PTPRD: variants seen among roughly 807,000 people sequenced by gnomAD.
PTPRD encodes receptor-type tyrosine-protein phosphatase delta.
In PTPRD, 34 loss-of-function variants were observed where a neutral mutation model predicts 214.5. That is an observed-to-expected ratio of 0.16 (90% confidence interval 0.12 to 0.21). The LOEUF (loss-of-function observed/expected upper bound fraction) is 0.21. Among genes scored for constraint, PTPRD ranks in the 10% least tolerant of loss-of-function variants. PTPRD has a pLI of 1.00. For missense variants in PTPRD, 2,545 were observed against 2,398.7 expected (o/e 1.06, Z -1.27); for synonymous variants, 1,128 against 845.7 (o/e 1.33, Z -5.79).
intron 3 of PTPRD, among the ~76,000 whole-genome samples, chr9:10,260,115 T>C (rs993386082): frequency 6.6e-6 from 1 of 152,230 alleles, no homozygotes; most frequent in African/African-American, 2.4e-5. Flanking sequence ...AAAAAAATTG[T>C]TTATCTGAAA....
At chr9:9,007,531 T>C (rs1238676910) in intron 11 of PTPRD, among the ~76,000 whole-genome samples, 1 of 151,982 alleles carries the variant, frequency 6.6e-6, no homozygotes, top group Non-Finnish European at 1.5e-5. Flanking sequence ...ATAAACCAAA[T>C]ACAAACCTAT....
intron 11 of PTPRD, among the ~76,000 whole-genome samples, chr9:8,974,711 T>C (rs1056493005): frequency 1.3e-5 from 2 of 152,014 alleles, no homozygotes; most frequent in Non-Finnish European, 2.9e-5. Context: ...AGAATCACAT[T>C]AAAAGAATAA....
intron 8 of PTPRD, among the ~76,000 whole-genome samples, chr9:9,436,946 A>G (rs2085512634): frequency 6.6e-6 from 1 of 152,090 alleles, no homozygotes; most frequent in Non-Finnish European, 1.5e-5. Flanking sequence ...TGAATAAAGA[A>G]TGTCAGGAAA....
intron 7 of PTPRD, among the ~76,000 whole-genome samples, chr9:9,732,786 T>A (rs932241867): frequency 6.6e-6 from 1 of 152,010 alleles, no homozygotes; most frequent in Admixed American, 6.6e-5. Flanking sequence ...TGAATACTTT[T>A]AAAAATCATT....
At chr9:9,887,710 T>C (rs900657573) in intron 5 of PTPRD, among the ~76,000 whole-genome samples, 1 of 152,082 alleles carries the variant, frequency 6.6e-6, no homozygotes, top group Admixed American at 6.6e-5. Context: ...TAAAAGTATT[T>C]AATGGGAGGT....
At chr9:8,902,815 A>G (rs2098680883) in intron 11 of PTPRD, among the ~76,000 whole-genome samples, 1 of 152,218 alleles carries the variant, frequency 6.6e-6, no homozygotes, top group Non-Finnish European at 1.5e-5. Flanking sequence ...TCAAAATGCC[A>G]TTTGAAATCT....
intron 11 of PTPRD, among the ~76,000 whole-genome samples, chr9:8,763,488 G>C (rs922667243): frequency 2.7e-4 from 41 of 152,072 alleles, no homozygotes; most frequent in African/African-American, 9.6e-4. Context: ...ACTCCAGCCT[G>C]GGTGACAGAG....
chr9:8,713,316 G>C, intron 12 of PTPRD: 1 of 784,954 alleles, frequency 1.3e-6, no homozygotes, highest in Non-Finnish European at 2.2e-6. Flanking sequence ...ACGCCATGAA[G>C]GCCTCGGGCA....
In PTPRD at chr9:9,298,879, C is replaced by T. The variant is rs1954148291; in HGVS notation, c.-203+98570G>A. ...TTATACCACAAGGCAGTTATTAATC[C>T]TGTCAGCAATACCAGCTTAAAAATG... On this transcript the variant is annotated intron_variant, in intron 9 of 45. Coordinates refer to ENST00000381196, the MANE Select transcript of PTPRD (RefSeq NM_002839.4). Among the ~76,000 whole-genome samples, 3 of 151,644 alleles carry T rather than the reference C, an allele frequency of 2.0e-5. No individual in the cohort carries two copies. The South Asian group carries it at 6.2e-4, about 31-fold the overall frequency.
intron 2 of PTPRD, among the ~76,000 whole-genome samples, chr9:10,534,485 A>G (rs1343527720): frequency 6.6e-6 from 1 of 152,088 alleles, no homozygotes; most frequent in Non-Finnish European, 1.5e-5. Flanking sequence ...TGAAGGCAAA[A>G]GCAATGGTTT....
At chr9:9,699,986 G>A (rs185116591) in intron 7 of PTPRD, among the ~76,000 whole-genome samples, 264 of 152,196 alleles carry the variant, frequency 1.7e-3, no homozygotes, top group African/African-American at 6.1e-3. Flanking sequence ...GAAAGTGTTG[G>A]TACGCTGATG....
intron 11 of PTPRD, among the ~76,000 whole-genome samples, chr9:8,813,565 G>T (rs1418178840): frequency 1.3e-5 from 2 of 152,050 alleles, no homozygotes; most frequent in African/African-American, 4.8e-5. Context: ...TAAAGACAAG[G>T]TCTTGCTTTG....
intron 39 of PTPRD, among the ~76,000 whole-genome samples, chr9:8,373,096 T>C (rs1305570041): frequency 6.6e-6 from 1 of 152,078 alleles, no homozygotes; most frequent in Non-Finnish European, 1.5e-5. Flanking sequence ...CTTTGTAACA[T>C]GGCTATTGTG....
At chr9:8,963,406 A>G (rs968610294) in intron 11 of PTPRD, among the ~76,000 whole-genome samples, 1 of 152,152 alleles carries the variant, frequency 6.6e-6, no homozygotes, top group Non-Finnish European at 1.5e-5. Flanking sequence ...TTACATTTAT[A>G]CATGTTTTAT....
chr9:8,840,279 G>T (rs1005232831), intron 11 of PTPRD, among the ~76,000 whole-genome samples: 3 of 152,120 alleles, frequency 2.0e-5, no homozygotes, highest in Non-Finnish European at 2.9e-5. Flanking sequence ...CATGAGGGCA[G>T]GTTTTTCCCA....
intron 9 of PTPRD, among the ~76,000 whole-genome samples, chr9:9,335,862 G>C (rs967659237): frequency 6.6e-6 from 1 of 151,948 alleles, no homozygotes; most frequent in Non-Finnish European, 1.5e-5. Context: ...ACACAACTCA[G>C]CATCTAATGA....
At chr9:10,573,734 G>A (rs1256899035) in intron 2 of PTPRD, among the ~76,000 whole-genome samples, 14 of 151,932 alleles carry the variant, frequency 9.2e-5, no homozygotes, top group African/African-American at 3.1e-4. Context: ...AGTATTTTCT[G>A]GAAATAAGAA....
chr9:10,491,235 T>C (rs1208382985), intron 2 of PTPRD, among the ~76,000 whole-genome samples: 2 of 152,146 alleles, frequency 1.3e-5, no homozygotes, highest in Admixed American at 6.6e-5. Context: ...TATTGAAAAA[T>C]GCAACGTATA....
Position 10,481,036 on chromosome 9 carries a change from CTT to C in PTPRD, c.-600+131360_-600+131361del, listed in dbSNP as rs34046583. On this transcript the variant is annotated intron_variant, in intron 2 of 45. Coordinates refer to ENST00000381196, the MANE Select transcript of PTPRD (RefSeq NM_002839.4). ...GTTCTTCCCTGCATCTCATTTGGTA[CTT>C]TTTTTTTTTTAAACAGTTCTGTTTG... is the stretch of plus-strand genomic sequence containing the variant. Among the ~76,000 whole-genome samples the C allele has an allele frequency of 2.6e-4, 38 of 148,432 alleles. No homozygotes were observed. In the East Asian group the frequency reaches 3.4e-3, roughly 13 times the overall value.
Sources: gnomAD v4.1 joint callset for allele counts (sites outside exome capture counted in the v4.1 genomes callset) on GRCh38, gnomAD v4.1.1 for gene constraint, MANE v1.5 for transcripts, NCBI Gene and HGNC (gene_info 2026-07-23, HGNC 2026-07-21) for gene names.